PHF21B: variants seen among roughly 807,000 people sequenced by gnomAD.
The protein encoded by PHF21B is PHD finger protein 4.
PHF21B carries 22 observed loss-of-function variants against 62.2 expected under a neutral mutation model. That is an observed-to-expected ratio of 0.35 (90% CI 0.25 to 0.51). The LOEUF is 0.51. Among genes scored for constraint, PHF21B ranks in the 20% least tolerant of loss-of-function variants. The probability of loss-of-function intolerance (pLI) is 0.97; values close to 1 mark genes in which losing one functional copy is unlikely to be tolerated. For synonymous variants in PHF21B, 341 were observed against 314.7 expected, an observed-to-expected ratio of 1.08 and a Z score of -0.88; for missense variants, 701 against 707.9, an observed-to-expected ratio of 0.99 and a Z score of 0.11.
chr22:44,961,755 C>T (rs556608518), intron 2 of PHF21B, among the ~76,000 whole-genome samples: 6 of 152,036 alleles, frequency 3.9e-5, no homozygotes, highest in South Asian at 2.1e-4. Context: ...ACAGGAAAAT[C>T]GCTTGAACCA....
At chr22:44,996,568 G>C (rs532509777) in intron 2 of PHF21B, among the ~76,000 whole-genome samples, 1 of 152,114 alleles carries the variant, frequency 6.6e-6, no homozygotes, top group South Asian at 2.1e-4. Flanking sequence ...TTCAAAGGCT[G>C]AGGTCAGTCA....
intron 2 of PHF21B, among the ~76,000 whole-genome samples, chr22:44,929,732 C>T (rs766633972): frequency 3.9e-5 from 6 of 152,358 alleles, no homozygotes; most frequent in African/African-American, 1.4e-4. Context: ...GCCGGTGGCA[C>T]TGGCACTTGA....
intron 2 of PHF21B, among the ~76,000 whole-genome samples, chr22:44,991,999 G>A (rs1241396500): frequency 2.0e-5 from 3 of 152,226 alleles, no homozygotes; most frequent in Admixed American, 1.3e-4. Context: ...AACCAGACCC[G>A]GACGTTGGGG....
chr22:44,914,301 C>T (rs193123352), intron 4 of PHF21B, among the ~76,000 whole-genome samples: 2 of 152,274 alleles, frequency 1.3e-5, no homozygotes, highest in Admixed American at 1.3e-4. Flanking sequence ...GGAGGGTCTG[C>T]ATGAGAAGCT....
At chr22:44,967,220 T>A (rs1320111437) in intron 2 of PHF21B, 2 of 142,248 alleles carry the variant, frequency 1.4e-5, no homozygotes, top group Non-Finnish European at 3.1e-5. Context: ...CCTTTTACTT[T>A]TTTTTTTTTT....
At chr22:44,949,886 A>C (rs1474198481) in intron 2 of PHF21B, among the ~76,000 whole-genome samples, 1 of 152,230 alleles carries the variant, frequency 6.6e-6, no homozygotes, top group African/African-American at 2.4e-5. Context: ...ATGTGAGTTA[A>C]AGCCCATGTA....
chr22:44,885,185 C>T (rs901003645), intron 12 of PHF21B, among the ~76,000 whole-genome samples: 1 of 152,236 alleles, frequency 6.6e-6, no homozygotes, highest in Admixed American at 6.5e-5. Flanking sequence ...ACCTGTGGTT[C>T]TAAGGACACA....
Position 44,882,848 on chromosome 22 carries a change from C to A in PHF21B, c.*238G>T. On this transcript the variant is annotated 3_prime_UTR_variant, in exon 13 of 13. Coordinates refer to ENST00000313237, the MANE Select transcript of PHF21B (RefSeq NM_138415.5). ...GCCGGGGGGAGACTGTGTGCCCCAG[C>A]CTGTCGTACCCCACCTGGCTCCTAG... 1 of 499,348 alleles carries A rather than the reference C, an allele frequency of 2.0e-6. No homozygotes were observed. Among genetic ancestry groups the A allele is most frequent in the Non-Finnish European group, 3.5e-6 (1 of 285,994 alleles). 30.9% of individuals were successfully genotyped at this position (499,348 alleles called of 1,614,324 possible). A position where few individuals can be genotyped will look rare whatever the true frequency, so the allele number is the denominator to read the frequency against.
chr22:44,934,031 G>A (rs1004574447), intron 2 of PHF21B, among the ~76,000 whole-genome samples: 4 of 152,158 alleles, frequency 2.6e-5, no homozygotes, highest in African/African-American at 7.2e-5. Flanking sequence ...AAAATATATG[G>A]CATGTGTAAC....
chr22:45,008,037 G>A (rs1225809790), intron 2 of PHF21B: 1 of 152,190 alleles, frequency 6.6e-6, no homozygotes. Flanking sequence ...TTTGTTCCCC[G>A]GGAGCTGGCG....
At chr22:44,938,566 G>T (rs1471222632) in intron 2 of PHF21B, among the ~76,000 whole-genome samples, 1 of 152,266 alleles carries the variant, frequency 6.6e-6, no homozygotes, top group Non-Finnish European at 1.5e-5. Context: ...AAGAGCTGCA[G>T]CTCCAACCCT....
intron 2 of PHF21B, among the ~76,000 whole-genome samples, chr22:44,948,881 G>C (rs2072133416): frequency 6.6e-6 from 1 of 152,220 alleles, no homozygotes. Flanking sequence ...GCAGTCTCAA[G>C]CAGTTGATCC....
intron 2 of PHF21B, among the ~76,000 whole-genome samples, chr22:44,979,504 T>C (rs1477955704): frequency 6.6e-6 from 1 of 152,198 alleles, no homozygotes; most frequent in East Asian, 1.9e-4. Flanking sequence ...GGGCAGCCAG[T>C]GGCAGAAAGG....
At position 44,922,239 on chromosome 22, in the gene PHF21B, T is replaced by C. The variant is rs2071551057; in HGVS notation, c.121-1749A>G. ...CTGTGTAATTTGCTAAAATAACACA[T>C]GGAAGAAGAAAAACCGTATGCCGGC... is the stretch of plus-strand genomic sequence containing the variant. On this transcript the variant is annotated intron_variant, in intron 2 of 12. Transcript: ENST00000313237. Among the ~76,000 whole-genome samples, 3 of 152,194 alleles carry C rather than the reference T, an allele frequency of 2.0e-5. No homozygotes were observed. The South Asian group carries it at 6.2e-4, about 32-fold the overall frequency.
intron 2 of PHF21B, among the ~76,000 whole-genome samples, chr22:44,979,407 G>C (rs1685377114): frequency 6.6e-6 from 1 of 152,234 alleles, no homozygotes; most frequent in Non-Finnish European, 1.5e-5. Flanking sequence ...TCAGGAGGCA[G>C]TCTTAAGGAC....
At position 44,916,630 on chromosome 22, in the gene PHF21B, C is replaced by T. The variant is rs760189478; in HGVS notation, c.214G>A (p.Val72Ile). ...AGQGAAVLPQ[V>I]RPKTLIPDSL... ...TCTGGAATCAGAGTCTTTGGCCTAA[C>T]CTGGGAAGAAGGGACAGGTATGTGG... Residue 72 changes from valine to isoleucine, a missense_variant and splice_region_variant, in exon 4 of 13, where the codon GTT (valine) becomes ATT (isoleucine). Physicochemically the swap from Val to Ile is conservative, Grantham distance 29. Transcript: ENST00000313237. 2 of 1,600,492 alleles carry T rather than the reference C, an allele frequency of 1.2e-6. No individual in the cohort carries two copies. The highest frequency in any genetic ancestry group is 1.7e-5 in the Admixed American group (1 of 60,004).
chr22:44,888,265 A>G (rs2070896163), intron 9 of PHF21B, 144 bp from the exon 10 acceptor site: 3 of 1,050,822 alleles, frequency 2.9e-6, no homozygotes, highest in Non-Finnish European at 3.9e-6. Flanking sequence ...CTACGGAGAG[A>G]GAGGGATAAA....
chr22:44,976,639 G>A (rs2072742805), intron 2 of PHF21B, among the ~76,000 whole-genome samples: 1 of 152,188 alleles, frequency 6.6e-6, no homozygotes, highest in African/African-American at 2.4e-5. Flanking sequence ...GTCCCTGGAG[G>A]TCCTTGTATG....
chr22:44,882,913 C>T lies in PHF21B; in HGVS notation c.*173G>A, dbSNP rs578151693. Reference sequence around the variant, plus strand: ...TTTGGAGGGCACAGGGCCGCACCCCCACCTGGTCCTGGCTCTAGGCCTCTC... The same window carrying T: ...TTTGGAGGGCACAGGGCCGCACCCCTACCTGGTCCTGGCTCTAGGCCTCTC... On this transcript the variant is annotated 3_prime_UTR_variant, in exon 13 of 13. Transcript: ENST00000313237. 9 of 779,642 alleles carry T rather than the reference C, an allele frequency of 1.2e-5. No individual in the cohort carries two copies. In the African/African-American group the frequency reaches 1.4e-4, roughly 12 times the overall value. 48.3% of individuals were successfully genotyped at this position (779,642 alleles called of 1,614,324 possible). A position where few individuals can be genotyped will look rare whatever the true frequency, so the allele number is the denominator to read the frequency against.
Sources: allele counts gnomAD v4.1 joint callset (sites outside exome capture counted in the v4.1 genomes callset), GRCh38; gene constraint gnomAD v4.1.1; transcripts MANE v1.5; gene names NCBI Gene and HGNC (gene_info 2026-07-23, HGNC 2026-07-21).